Variants in FGL2 observed in about 807,000 individuals in gnomAD.
The protein encoded by FGL2 is fibrinogen like 2.
FGL2 carries 21 observed loss-of-function variants against 36.0 expected under a neutral mutation model. The ratio of observed to expected loss-of-function variants is 0.58; its 90% CI spans 0.41 to 0.84. The LOEUF (loss-of-function observed/expected upper bound fraction) is 0.84, where lower values mean the gene tolerates loss of function less well. FGL2 is among the 40% of genes least tolerant of loss of function. The pLI, the probability that FGL2 is intolerant of heterozygous loss-of-function variation, is 0.00. For missense variants in FGL2, 444 were observed against 526.3 expected (o/e 0.84, Z 1.53); for synonymous variants, 183 against 190.7 (o/e 0.96, Z 0.33).
chr7:77,199,396 A>C lies in FGL2; in HGVS notation c.398T>G (p.Leu133Ter). The change falls in exon 1 of 2, where the codon TTA (leucine) becomes TGA (stop). Residue 133 changes from leucine to a stop codon, truncating the protein, a stop_gained. Coordinates refer to ENST00000248598, the MANE Select transcript of FGL2 (RefSeq NM_006682.3). LOFTEE classifies it high-confidence loss of function. Reference sequence around the variant, plus strand: ...GGACAGCTTGTTAACCTCACTCTCTAATTCTCTAACTCTGTTATCACCAAC... The same window carrying C: ...GGACAGCTTGTTAACCTCACTCTCTCATTCTCTAACTCTGTTATCACCAAC... ...GEVGDNRVRE[L>*]ESEVNKLSSE... The C allele has an allele frequency of 6.2e-7, 1 of 1,614,014 alleles. No individual in the cohort carries two copies. Among genetic ancestry groups the C allele is most frequent in the Non-Finnish European group, 8.5e-7 (1 of 1,179,988 alleles).
rs1791948360 is a variant in FGL2 at position 77,199,675 on chromosome 7, G to C, written c.119C>G (p.Pro40Arg). Residue 40 changes from proline (P) to arginine (R), a missense_variant, in exon 1 of 2, where the codon CCA becomes CGA. Coordinates refer to ENST00000248598, the MANE Select transcript of FGL2 (RefSeq NM_006682.3). ...IKDERAKDVC[P>R]VRLESRGKCE... ...TTTCCCTCTGCTTTCTAGTCTCACT[G>C]GGCAGACATCCTTTGCTCTTTCATC... 1 of 1,614,032 alleles carries C rather than the reference G, an allele frequency of 6.2e-7. No individual in the cohort carries two copies. Among genetic ancestry groups the C allele is most frequent in the African/African-American group, 1.3e-5 (1 of 74,906 alleles).
chr7:77,197,740 G>C (rs1319071237), intron 1 of FGL2, among the ~76,000 whole-genome samples: 1 of 152,264 alleles, frequency 6.6e-6, no homozygotes, highest in Admixed American at 6.5e-5. Context: ...AAGTGAAAAA[G>C]AAGTATCTTT....
intron 1 of FGL2, chr7:77,198,913 C>A: frequency 2.1e-6 from 1 of 479,420 alleles, no homozygotes; most frequent in Non-Finnish European, 3.7e-6. Flanking sequence ...CTCTCTACTT[C>A]TGCTTGCAAG....
intron 1 of FGL2, chr7:77,198,368 A>G: frequency 2.1e-6 from 2 of 966,334 alleles, no homozygotes; most frequent in Non-Finnish European, 2.5e-6. Flanking sequence ...TGAGACAGTC[A>G]GCAACAGTGG....
chr7:77,196,226 G>T lies in FGL2; in HGVS notation c.*53C>A. On this transcript the variant is annotated 3_prime_UTR_variant, in exon 2 of 2. Coordinates refer to ENST00000248598, the MANE Select transcript of FGL2 (RefSeq NM_006682.3). This position sits in a 1 kb window ranked among gnomAD's most constrained non-coding sequence, Gnocchi z 4.2. ...ACAAGGCATATTCTAAAGTGCTGAA[G>T]GAATTAATTGCCCTATTAGATAACG... The T allele has an allele frequency of 7.6e-7, 1 of 1,308,930 alleles. No homozygotes were observed. Among genetic ancestry groups the T allele is most frequent in the Non-Finnish European group, 1.1e-6 (1 of 936,094 alleles). 81.1% of individuals were successfully genotyped at this position (1,308,930 alleles called of 1,614,324 possible).
chr7:77,196,546 G>A lies in FGL2; in HGVS notation c.1053C>T (p.His351=), dbSNP rs147938006. 2.3e-5 allele frequency: 37 copies of A among 1,613,988 alleles called. No homozygotes were observed. The highest frequency in any genetic ancestry group is 4.0e-5 in the African/African-American group (3 of 74,926). The change falls in exon 2 of 2, where the codon CAC becomes CAT. Residue 351 remains histidine, a synonymous_variant. Transcript: ENST00000248598. This position sits in a 1 kb window ranked among gnomAD's most constrained non-coding sequence, Gnocchi z 4.2. Reference sequence around the variant, plus strand: ...CTGGAGTGGTGAAAAACTTCAGATCGTGGTTGTAATGTTTGTTGAAACGTA... The same window carrying A: ...CTGGAGTGGTGAAAAACTTCAGATCATGGTTGTAATGTTTGTTGAAACGTA... ...DALRFNKHYN[H]DLKFFTTPDK...
At position 77,199,811 on chromosome 7, in the gene FGL2, C is replaced by T. The variant is rs754496549; in HGVS notation, c.-18G>A. ...AGCTTCATCTTTACAGTGCTGCTCA[C>T]CCCAGCAGGGAGTGCGCAGGGCTGG... is the stretch of plus-strand genomic sequence containing the variant. On this transcript the variant is annotated 5_prime_UTR_variant, in exon 1 of 2. It adds an upstream start codon to the 5' untranslated region. Coordinates refer to ENST00000248598, the MANE Select transcript of FGL2 (RefSeq NM_006682.3). The T allele has an allele frequency of 6.2e-7, 1 of 1,606,934 alleles. No individual in the cohort carries two copies. The highest frequency in any genetic ancestry group is 8.5e-7 in the Non-Finnish European group (1 of 1,175,498).
intron 1 of FGL2, chr7:77,198,865 G>A (rs551459185): frequency 2.5e-6 from 1 of 397,522 alleles, no homozygotes; most frequent in African/African-American, 2.1e-5. Flanking sequence ...ACACCTCATT[G>A]AAGAGACAAG....
chr7:77,197,358 T>C (rs562789559), intron 1 of FGL2, among the ~76,000 whole-genome samples: 1 of 152,368 alleles, frequency 6.6e-6, no homozygotes, highest in South Asian at 2.1e-4. Flanking sequence ...ATTGACCTTA[T>C]GATGTAGGCG....
chr7:77,197,368 G>A (rs986139625), intron 1 of FGL2, among the ~76,000 whole-genome samples: 4 of 152,232 alleles, frequency 2.6e-5, no homozygotes, highest in Admixed American at 1.3e-4. Flanking sequence ...TGATGTAGGC[G>A]TTACTGCCAG....
In FGL2 at chr7:77,196,668, C is replaced by T. The variant is rs370416718; in HGVS notation, c.931G>A (p.Glu311Lys). Reference sequence around the variant, plus strand: ...AACTGATCATACAAGGCATATAGTTCGACACCATTAAAGTCTTCAAGATCT... The same window carrying T: ...AACTGATCATACAAGGCATATAGTTTGACACCATTAAAGTCTTCAAGATCT... Reference protein sequence around the residue: ...RIDLEDFNGVELYALYDQFYV... With the variant: ...RIDLEDFNGVKLYALYDQFYV... The change falls in exon 2 of 2, where the codon GAA becomes AAA. Residue 311 changes from glutamate (E) to lysine (K), a missense_variant. Physicochemically the swap from Glu to Lys is moderately conservative, Grantham distance 56. Coordinates refer to ENST00000248598, the MANE Select transcript of FGL2 (RefSeq NM_006682.3). The surrounding 1 kb of genome is among the most constrained non-coding windows in gnomAD (Gnocchi z 4.2). The T allele has an allele frequency of 3.4e-5, 55 of 1,613,972 alleles. No individual in the cohort carries two copies. Among genetic ancestry groups the T allele is most frequent in the African/African-American group, 1.6e-4 (12 of 74,906 alleles).
In FGL2 at chr7:77,196,291, G is replaced by A; in HGVS notation, c.1308C>T (p.His436=). ...TGAACAGAGTGATTTATGGCTTAAA[G>A]TGCTTGGGTCTGATCATCATCTTAG... ...KEAKMMIRPK[H]FKP Residue 436 remains histidine, a synonymous_variant, in exon 2 of 2, where the codon CAC becomes CAT. Transcript: ENST00000248598. The surrounding 1 kb of genome is among the most constrained non-coding windows in gnomAD (Gnocchi z 4.2). 6.2e-7 allele frequency: 1 copy of A among 1,612,718 alleles called. No individual in the cohort carries two copies. The highest frequency in any genetic ancestry group is 8.5e-7 in the Non-Finnish European group (1 of 1,179,164).
In FGL2 at chr7:77,196,282, T is replaced by C; in HGVS notation, c.1317A>G (p.Pro439=). ...KMMIRPKHFK[P] ...CTGGAGGAATGAACAGAGTGATTTA[T>C]GGCTTAAAGTGCTTGGGTCTGATCA... The change falls in exon 2 of 2, where the codon CCA becomes CCG. Residue 439 remains proline (P), a synonymous_variant. Transcript: ENST00000248598. The surrounding 1 kb of genome is among the most constrained non-coding windows in gnomAD (Gnocchi z 4.2). 1.9e-6 allele frequency: 3 copies of C among 1,609,768 alleles called. No individual in the cohort carries two copies. The highest frequency in any genetic ancestry group is 2.5e-6 in the Non-Finnish European group (3 of 1,177,286).
In FGL2 at chr7:77,194,678, C is replaced by G. The variant is rs1215326043; in HGVS notation, c.*1601G>C. ...CATCTTTGTAAATATATTTTGAAAA[C>G]TTGGTTAGTGTATTAGAAACAGACA... On this transcript the variant is annotated 3_prime_UTR_variant, in exon 2 of 2. Transcript: ENST00000248598. 2 of 151,934 alleles carry G rather than the reference C, an allele frequency of 1.3e-5. No homozygotes were observed. The highest frequency in any genetic ancestry group is 4.8e-5 in the African/African-American group (2 of 41,394). The allele number at this position is 151,934 out of a possible 1,614,324, so 9.4% of individuals were successfully genotyped here.
At position 77,196,444 on chromosome 7, in the gene FGL2, A is replaced by C; in HGVS notation, c.1155T>G (p.Leu385=). The C allele has an allele frequency of 6.2e-7, 1 of 1,614,172 alleles. No homozygotes were observed. The highest frequency in any genetic ancestry group is 1.1e-5 in the South Asian group (1 of 91,084). Reference sequence around the variant, plus strand: ...AATATTTGCCATTTAAGTTTGCAGAAAGACATGCATCAAACCACCAGCCTG... The same window carrying C: ...AATATTTGCCATTTAAGTTTGCAGACAGACATGCATCAAACCACCAGCCTG... The part of the protein sequence containing the change: ...YSSGWWFDAC[L]SANLNGKYYH... Residue 385 remains leucine, a synonymous_variant, in exon 2 of 2, where the codon CTT becomes CTG. Transcript: ENST00000248598. The surrounding 1 kb of genome is among the most constrained non-coding windows in gnomAD (Gnocchi z 4.2).
Position 77,199,303 on chromosome 7 carries a change from A to T in FGL2, c.491T>A (p.Val164Glu), listed in dbSNP as rs753313388. 9 of 1,614,156 alleles carry T rather than the reference A, an allele frequency of 5.6e-6. No individual in the cohort carries two copies. The highest frequency in any genetic ancestry group is 5.9e-6 in the Non-Finnish European group (7 of 1,180,004). Residue 164 changes from valine to glutamate, a missense_variant, in exon 1 of 2, where the codon GTA (valine) becomes GAA (glutamate). By Grantham distance (121) the Val-to-Glu change is moderately radical. Coordinates refer to ENST00000248598, the MANE Select transcript of FGL2 (RefSeq NM_006682.3). ...LHGRLEKLNLVNMNNIENYVD... is the reference protein window; with the variant it reads ...LHGRLEKLNLENMNNIENYVD... ...ATAATTTTCTATGTTGTTCATATTT[A>T]CAAGATTCAGCTTCTCCAGGCGACC... is the stretch of plus-strand genomic sequence containing the variant.
At position 77,196,441 on chromosome 7, in the gene FGL2, A is replaced by C; in HGVS notation, c.1158T>G (p.Ser386=). Residue 386 remains serine, a synonymous_variant, in exon 2 of 2, where the codon TCT becomes TCG. Transcript: ENST00000248598. The surrounding 1 kb of genome is among the most constrained non-coding windows in gnomAD (Gnocchi z 4.2). ...GATAATATTTGCCATTTAAGTTTGC[A>C]GAAAGACATGCATCAAACCACCAGC... ...SSGWWFDACL[S]ANLNGKYYHQ... 3.1e-6 allele frequency: 5 copies of C among 1,614,204 alleles called. No homozygotes were observed. Among genetic ancestry groups the C allele is most frequent in the Non-Finnish European group, 4.2e-6 (5 of 1,180,036 alleles).
In FGL2 at chr7:77,199,432, G is replaced by A. The variant is rs752493321; in HGVS notation, c.362C>T (p.Ala121Val). Reference sequence around the variant, plus strand: ...TCTGTTATCACCAACCTCTCCCGGGGCTCCTGTACTGGGTAACAACAGTCC... The same window carrying A: ...TCTGTTATCACCAACCTCTCCCGGGACTCCTGTACTGGGTAACAACAGTCC... ...RNGLLLPSTG[A>V]PGEVGDNRVR... Residue 121 changes from alanine to valine, a missense_variant, in exon 1 of 2, where the codon GCC becomes GTC. Transcript: ENST00000248598. 11 of 1,613,882 alleles carry A rather than the reference G, an allele frequency of 6.8e-6. No individual in the cohort carries two copies. Among genetic ancestry groups the A allele is most frequent in the Admixed American group, 5.0e-5 (3 of 59,982 alleles).
chr7:77,199,452 C>G lies in FGL2; in HGVS notation c.342G>C (p.Leu114=). Residue 114 remains leucine (L), a synonymous_variant, in exon 1 of 2, where the codon CTG becomes CTC. Transcript: ENST00000248598. ...DDNGDPGRNG[L]LLPSTGAPGE... ...CCGGGGCTCCTGTACTGGGTAACAACAGTCCGTTTCTGCCTGGGTCTCCGT... is the reference window on the plus strand; with the variant it reads ...CCGGGGCTCCTGTACTGGGTAACAAGAGTCCGTTTCTGCCTGGGTCTCCGT... The G allele has an allele frequency of 6.2e-7, 1 of 1,614,158 alleles. No individual in the cohort carries two copies. Among genetic ancestry groups the G allele is most frequent in the Non-Finnish European group, 8.5e-7 (1 of 1,180,034 alleles).
Sources: gnomAD v4.1 joint callset for allele counts (sites outside exome capture counted in the v4.1 genomes callset) on GRCh38, gnomAD v4.1.1 for gene constraint, Gnocchi (gnomAD v3.1) non-coding constraint, MANE v1.5 for transcripts, NCBI Gene and HGNC (gene_info 2026-07-23, HGNC 2026-07-21) for gene names.